The following SPDYE12 variants were observed in gnomAD, a reference collection of about 807,000 sequenced individuals.
SPDYE12 encodes the protein speedy/RINGO cell cycle regulator family member E12, also known as speedy protein E12.
At chr7:74,908,774 C>T in the SPDYE12 span, among the ~76,000 whole-genome samples, 1 of 138,884 alleles carries the variant, frequency 7.2e-6, no homozygotes, top group Non-Finnish European at 1.5e-5. Flanking sequence ...CCCAGGTTCA[C>T]GCCATTCTCC....
the SPDYE12 span, chr7:74,909,566 G>A: frequency 1.3e-6 from 2 of 1,580,044 alleles, no homozygotes. Flanking sequence ...AGGAGGGGAG[G>A]CCGGCCCGGC....
At chr7:74,908,631 A>G in the SPDYE12 span, among the ~76,000 whole-genome samples, 2 of 124,154 alleles carry the variant, frequency 1.6e-5, no homozygotes, top group African/African-American at 3.1e-5. Flanking sequence ...TCCCCTTAGG[A>G]GCGGTTCATG....
At chr7:74,909,242 C>T in the SPDYE12 span, among the ~76,000 whole-genome samples, 5 of 150,530 alleles carry the variant, frequency 3.3e-5, no homozygotes, top group African/African-American at 9.7e-5. Flanking sequence ...TTAGTAGAGA[C>T]GGGGTTTTGC....
chr7:74,910,404 G>C, the SPDYE12 span, among the ~76,000 whole-genome samples: 1 of 150,154 alleles, frequency 6.7e-6, no homozygotes, highest in African/African-American at 2.4e-5. Context: ...AAGACCATGG[G>C]AGCTGGTCAG....
chr7:74,909,021 T>G, the SPDYE12 span, among the ~76,000 whole-genome samples: 1 of 138,864 alleles, frequency 7.2e-6, no homozygotes. Context: ...TGGAGTTTGG[T>G]TTTTTTGCCT....
At chr7:74,909,093 G>A in the SPDYE12 span, among the ~76,000 whole-genome samples, 1 of 107,352 alleles carries the variant, frequency 9.3e-6, no homozygotes, top group South Asian at 3.2e-4. Context: ...TCACTCTGTT[G>A]CCCAGGCTGG....
chr7:74,910,580 C>G, the SPDYE12 span, among the ~76,000 whole-genome samples: 103 of 150,516 alleles, frequency 6.8e-4, 3 homozygotes, highest in Middle Eastern at 6.8e-3. Context: ...ATCCCAGCTG[C>G]TTGGAGGCTG....
the SPDYE12 span, among the ~76,000 whole-genome samples, chr7:74,910,666 G>C: frequency 6.6e-6 from 1 of 151,394 alleles, no homozygotes; most frequent in South Asian, 2.1e-4. Flanking sequence ...TTCAGCCTGG[G>C]CAACAGAGCA....
At chr7:74,904,816 A>T in the SPDYE12 span, among the ~76,000 whole-genome samples, 3 of 149,224 alleles carry the variant, frequency 2.0e-5, no homozygotes, top group Non-Finnish European at 4.5e-5. Context: ...AAACATATTT[A>T]ATAAATATTT....
At chr7:74,905,962 T>C in the SPDYE12 span, among the ~76,000 whole-genome samples, 92 of 149,566 alleles carry the variant, frequency 6.2e-4, no homozygotes, top group Middle Eastern at 6.9e-3. Context: ...TTGGTGACCC[T>C]GACTCCAAAA....
chr7:74,910,380 G>A, the SPDYE12 span, among the ~76,000 whole-genome samples: 1 of 150,586 alleles, frequency 6.6e-6, no homozygotes, highest in African/African-American at 2.4e-5. Context: ...AAAAATGTGT[G>A]GGTGCCAAGA....
the SPDYE12 span, among the ~76,000 whole-genome samples, chr7:74,908,840 A>G: frequency 1.2e-4 from 18 of 146,706 alleles, no homozygotes; most frequent in African/African-American, 4.5e-4. Context: ...CACCCGGCTA[A>G]TTTTTGTATT....
At chr7:74,908,573 C>G in the SPDYE12 span, among the ~76,000 whole-genome samples, 2 of 139,664 alleles carry the variant, frequency 1.4e-5, 1 homozygote, top group East Asian at 4.2e-4. Context: ...CCGGAAACGT[C>G]TGCTTGCTGG....
the SPDYE12 span, chr7:74,910,805 C>G: frequency 8.4e-7 from 1 of 1,196,526 alleles, no homozygotes; most frequent in Non-Finnish European, 1.2e-6. Flanking sequence ...TGCGTTAGAA[C>G]AGGAACACAG....
the SPDYE12 span, among the ~76,000 whole-genome samples, chr7:74,905,345 TG>T: frequency 2.7e-5 from 1 of 37,308 alleles, no homozygotes; most frequent in Non-Finnish European, 5.0e-5. Context: ...ATAGTGTGCA[TG>T]AAGCTATCTG....
At chr7:74,912,767 C>CTTTT in the SPDYE12 span, among the ~76,000 whole-genome samples, 3 of 11,742 alleles carry the variant, frequency 2.6e-4, no homozygotes, top group Admixed American at 1.0e-3. Flanking sequence ...TCTTTTTTTT[C>CTTTT]TTCTTTTTTT....
the SPDYE12 span, among the ~76,000 whole-genome samples, chr7:74,907,987 C>T: frequency 2.0e-3 from 298 of 150,502 alleles, 7 homozygotes; most frequent in Non-Finnish European, 3.0e-3. Context: ...GGCATCTAGT[C>T]TAATGGGACT....
the SPDYE12 span, among the ~76,000 whole-genome samples, chr7:74,912,770 C>CTTCTTTTT: frequency 8.9e-5 from 1 of 11,238 alleles, no homozygotes; most frequent in Non-Finnish European, 1.6e-4. Context: ...TTTTTTTCTT[C>CTTCTTTTT]TTTTTTTTTT....
chr7:74,908,888 A>G, the SPDYE12 span, among the ~76,000 whole-genome samples: 5 of 149,010 alleles, frequency 3.4e-5, no homozygotes, highest in South Asian at 2.1e-4. Context: ...TCACCATGTT[A>G]GCCAGGATGG....
Sources: allele counts gnomAD v4.1 joint callset (sites outside exome capture counted in the v4.1 genomes callset), GRCh38; gene constraint gnomAD v4.1.1; transcripts MANE v1.5; gene names NCBI Gene and HGNC (gene_info 2026-07-23, HGNC 2026-07-21).